The following INPP5A variants were observed in gnomAD, a reference collection of about 807,000 sequenced individuals.
INPP5A encodes the protein inositol polyphosphate-5-phosphatase A, also known as 43 kDa inositol polyphosphate 5-phophatase.
Under a neutral mutation model 65.2 loss-of-function variants are expected in INPP5A, and 14 were observed. The observed-to-expected ratio is 0.21, with a 90% CI of 0.14 to 0.34. The LOEUF is 0.34. Among genes scored for constraint, INPP5A ranks in the 10% least tolerant of loss-of-function variants. INPP5A has a pLI of 1.00. For synonymous variants in INPP5A, 207 were observed against 208.3 expected (o/e 0.99, Z 0.05); for missense variants, 431 against 545.6 (o/e 0.79, Z 2.09).
intron 1 of INPP5A, among the ~76,000 whole-genome samples, chr10:132,552,412 C>T (rs533610353): frequency 2.2e-4 from 28 of 130,084 alleles, no homozygotes; most frequent in Non-Finnish European, 3.7e-4. Flanking sequence ...GATTGGTGAA[C>T]GCCTTCTCAG....
intron 3 of INPP5A, among the ~76,000 whole-genome samples, chr10:132,647,976 A>G (rs570527101): frequency 4.6e-5 from 7 of 152,382 alleles, no homozygotes; most frequent in African/African-American, 1.7e-4. Context: ...AAATGTGGCC[A>G]TGTTTGAACT....
chr10:132,756,238 C>T (rs565790169), intron 11 of INPP5A, among the ~76,000 whole-genome samples: 20 of 151,940 alleles, frequency 1.3e-4, no homozygotes, highest in East Asian at 9.7e-4. Flanking sequence ...TGTATGTATG[C>T]GTGTACATGT....
At chr10:132,691,947 C>T (rs1191010300) in intron 5 of INPP5A, among the ~76,000 whole-genome samples, 5 of 151,420 alleles carry the variant, frequency 3.3e-5, no homozygotes, top group South Asian at 2.1e-4. Flanking sequence ...GGGAGGCGTG[C>T]GGTCCTGGCA....
intron 8 of INPP5A, among the ~76,000 whole-genome samples, chr10:132,722,169 G>T (rs1204172139): frequency 2.6e-5 from 4 of 152,144 alleles, no homozygotes; most frequent in Non-Finnish European, 5.9e-5. Flanking sequence ...AGAGAATGTG[G>T]TCTCTACCAT....
In INPP5A at chr10:132,550,983, C is replaced by T. The variant is rs1236400948; in HGVS notation, c.75+12812C>T. On this transcript the variant is annotated intron_variant, in intron 1 of 15. Coordinates refer to ENST00000368594, the MANE Select transcript of INPP5A (RefSeq NM_005539.5). The surrounding 1 kb of genome is among the most constrained non-coding windows in gnomAD (Gnocchi z 4.2). The stretch of plus-strand genomic sequence containing the variant: ...CATGTGGTGGGGACTCTGCAGGCCA[C>T]CTGGAAAGGGGTCCACCTGAAAGGG... Among the ~76,000 whole-genome samples, 2 of 152,196 alleles carry T rather than the reference C, an allele frequency of 1.3e-5. No individual in the cohort carries two copies. Among genetic ancestry groups the T allele is most frequent in the African/African-American group, 4.8e-5 (2 of 41,436 alleles).
intron 1 of INPP5A, among the ~76,000 whole-genome samples, chr10:132,588,696 T>C (rs1590849881): frequency 6.6e-6 from 1 of 152,164 alleles, no homozygotes; most frequent in African/African-American, 2.4e-5. Context: ...TTAAATGACT[T>C]GTATTTGAAA....
At chr10:132,597,991 A>T (rs528832026) in intron 1 of INPP5A, among the ~76,000 whole-genome samples, 2 of 151,960 alleles carry the variant, frequency 1.3e-5, no homozygotes, top group South Asian at 2.1e-4. Context: ...TGTGCTACAC[A>T]TAGTGACTCT....
At chr10:132,607,247 G>A (rs980317479) in intron 1 of INPP5A, among the ~76,000 whole-genome samples, 1 of 152,202 alleles carries the variant, frequency 6.6e-6, no homozygotes, top group South Asian at 2.1e-4. Flanking sequence ...TAGCTCCTCC[G>A]ATTCTGTCCA....
Position 132,550,912 on chromosome 10 carries a change from C to T in INPP5A, c.75+12741C>T, listed in dbSNP as rs377012411. ...TGGCCTTCAGGGTGGTCATTGGGTG[C>T]GTGGCTCTCTAGGGTGGACCTGGCC... is the stretch of plus-strand genomic sequence containing the variant. On this transcript the variant is annotated intron_variant, in intron 1 of 15. Coordinates refer to ENST00000368594, the MANE Select transcript of INPP5A (RefSeq NM_005539.5). The surrounding 1 kb of genome is among the most constrained non-coding windows in gnomAD (Gnocchi z 4.2). 3.9e-5 allele frequency among the ~76,000 whole-genome samples: 6 copies of T among 152,306 alleles called. No individual in the cohort carries two copies. Among genetic ancestry groups the T allele is most frequent in the Non-Finnish European group, 5.9e-5 (4 of 68,016 alleles).
At chr10:132,681,884 C>T (rs758957775) in intron 4 of INPP5A, among the ~76,000 whole-genome samples, 2 of 152,218 alleles carry the variant, frequency 1.3e-5, no homozygotes, top group Admixed American at 6.5e-5. Flanking sequence ...CTGGCAAGCA[C>T]TACAACATGG....
chr10:132,615,696 G>A (rs2072022662), intron 2 of INPP5A, among the ~76,000 whole-genome samples: 1 of 152,184 alleles, frequency 6.6e-6, no homozygotes, highest in South Asian at 2.1e-4. Flanking sequence ...GCTGGAGAGT[G>A]GGCAGCTGGG....
At chr10:132,606,262 C>T (rs1013523847) in intron 1 of INPP5A, among the ~76,000 whole-genome samples, 3 of 141,302 alleles carry the variant, frequency 2.1e-5, no homozygotes, top group Admixed American at 6.9e-5. Flanking sequence ...GTGGGTCAGT[C>T]GCCTCCCCTC....
At chr10:132,688,300 C>T (rs918822885) in intron 4 of INPP5A, among the ~76,000 whole-genome samples, 10 of 152,202 alleles carry the variant, frequency 6.6e-5, no homozygotes, top group Non-Finnish European at 1.3e-4. Flanking sequence ...AGCCTCCTGA[C>T]GCCCCAGTGT....
In INPP5A at chr10:132,659,941, A is replaced by G. The variant is rs776045005; in HGVS notation, c.306+9436A>G. Reference sequence around the variant, plus strand: ...ACACATGACATGTGACATACAACACATGACACGCGGCATACTCCCTGTGAC... The same window carrying G: ...ACACATGACATGTGACATACAACACGTGACACGCGGCATACTCCCTGTGAC... On this transcript the variant is annotated intron_variant, in intron 4 of 15. Coordinates refer to ENST00000368594, the MANE Select transcript of INPP5A (RefSeq NM_005539.5). The surrounding 1 kb of genome is among the most constrained non-coding windows in gnomAD (Gnocchi z 5.5). Among the ~76,000 whole-genome samples the G allele has an allele frequency of 8.5e-5, 13 of 152,210 alleles. No homozygotes were observed. The highest frequency in any genetic ancestry group is 1.8e-4 in the Non-Finnish European group (12 of 68,030).
At chr10:132,758,172 T>C (rs1242452552) in intron 11 of INPP5A, among the ~76,000 whole-genome samples, 12 of 44,784 alleles carry the variant, frequency 2.7e-4, no homozygotes, top group Admixed American at 5.0e-4. Context: ...CCCACACCCA[T>C]AGCCCGGCAC....
chr10:132,769,029 G>A (rs907573325), intron 12 of INPP5A, among the ~76,000 whole-genome samples: 33 of 152,330 alleles, frequency 2.2e-4, no homozygotes, highest in African/African-American at 7.0e-4. Context: ...CATTCCTAGC[G>A]CAGAGCTCCG....
Position 132,697,041 on chromosome 10 carries a change from G to A in INPP5A, c.371-775G>A, listed in dbSNP as rs2134498410. 6.6e-6 allele frequency among the ~76,000 whole-genome samples: 1 copy of A among 152,336 alleles called. No homozygotes were observed. Among genetic ancestry groups the A allele is most frequent in the Middle Eastern group, 3.4e-3 (1 of 294 alleles). ...GGACACAACACACTGCTCCAAAGCG[G>A]TCTCCAGGAACCTCGTTGACACCCA... On this transcript the variant is annotated intron_variant, in intron 5 of 15. Coordinates refer to ENST00000368594, the MANE Select transcript of INPP5A (RefSeq NM_005539.5). The surrounding 1 kb of genome is among the most constrained non-coding windows in gnomAD (Gnocchi z 5.6).
At chr10:132,773,112 G>T (rs999070112) in intron 12 of INPP5A, among the ~76,000 whole-genome samples, 1 of 152,268 alleles carries the variant, frequency 6.6e-6, no homozygotes, top group African/African-American at 2.4e-5. Context: ...CCGGCGCAGG[G>T]TGCGGTGGGC....
intron 11 of INPP5A, among the ~76,000 whole-genome samples, chr10:132,763,986 TC>T (rs778325260): frequency 1.6e-4 from 25 of 152,372 alleles, no homozygotes; most frequent in Non-Finnish European, 3.2e-4. Context: ...CTCCGCTGCA[TC>T]CCCACCCCAT....
Sources: allele counts gnomAD v4.1 joint callset (sites outside exome capture counted in the v4.1 genomes callset), GRCh38; gene constraint gnomAD v4.1.1; non-coding constraint Gnocchi (gnomAD v3.1); transcripts MANE v1.5; gene names NCBI Gene and HGNC (gene_info 2026-07-23, HGNC 2026-07-21).